The following HTR4 variants were observed in gnomAD, a reference collection of about 807,000 sequenced individuals.
The protein encoded by HTR4 is 5-hydroxytryptamine receptor 4.
A neutral mutation model predicts 36.8 loss-of-function variants in HTR4; 16 were observed. The observed-to-expected ratio is 0.43, with a 90% CI of 0.29 to 0.66. The LOEUF (loss-of-function observed/expected upper bound fraction) is 0.66. Among genes scored for constraint, HTR4 ranks in the 30% least tolerant of loss-of-function variants. HTR4 has a pLI of 0.13. For synonymous variants in HTR4, 189 were observed against 185.1 expected, an observed-to-expected ratio of 1.02 and a Z score of -0.17; for missense variants, 438 against 490.9, an observed-to-expected ratio of 0.89 and a Z score of 1.02.
chr5:148,500,302 A>G (rs1756880071), intron 6 of HTR4, among the ~76,000 whole-genome samples: 1 of 152,104 alleles, frequency 6.6e-6, no homozygotes, highest in South Asian at 2.1e-4. Flanking sequence ...TGGTGAATGT[A>G]TAAAGTAAGA....
intron 2 of HTR4, among the ~76,000 whole-genome samples, chr5:148,597,585 G>A (rs1052682995): frequency 2.0e-5 from 3 of 152,076 alleles, no homozygotes; most frequent in Non-Finnish European, 4.4e-5. Context: ...GCTTCAAGGT[G>A]CCATGATCTC....
intron 1 of HTR4, among the ~76,000 whole-genome samples, chr5:148,652,396 G>A (rs368907592): frequency 7.4e-4 from 113 of 152,266 alleles, no homozygotes; most frequent in African/African-American, 2.5e-3. Context: ...ATCAGGAAGC[G>A]TCTTGGGGTA....
chr5:148,473,948 G>C (rs979959461), downstream of HTR4, among the ~76,000 whole-genome samples: 2 of 152,018 alleles, frequency 1.3e-5, no homozygotes, highest in African/African-American at 4.8e-5. Flanking sequence ...CACCGAGACG[G>C]CTACTATTAG....
chr5:148,612,512 G>C (rs1453309770), intron 2 of HTR4, among the ~76,000 whole-genome samples: 1 of 144,788 alleles, frequency 6.9e-6, no homozygotes, highest in East Asian at 2.0e-4. Flanking sequence ...CAGAATCTCT[G>C]GGACGCATTC....
chr5:148,563,827 T>C lies in HTR4; in HGVS notation c.27-13565A>G, dbSNP rs140553860. On this transcript the variant is annotated intron_variant, in intron 2 of 6. Transcript: ENST00000377888. ...TAAATGCAAATACTACATCATTCTA[T>C]ATCAGGTACTTGAACATCCTTAGAC... 2.4e-3 allele frequency among the ~76,000 whole-genome samples: 363 copies of C among 152,324 alleles called. 1 individual carries two copies. The highest frequency in any genetic ancestry group is 7.7e-3 in the African/African-American group (319 of 41,574).
At chr5:148,591,080 T>A (rs1761548532) in intron 2 of HTR4, among the ~76,000 whole-genome samples, 2 of 152,216 alleles carry the variant, frequency 1.3e-5, no homozygotes, top group South Asian at 4.1e-4. Context: ...ATTTGTTGAA[T>A]GGGGAGTCTT....
At chr5:148,584,900 A>G (rs1179197850) in intron 2 of HTR4, among the ~76,000 whole-genome samples, 2 of 152,210 alleles carry the variant, frequency 1.3e-5, no homozygotes, top group Non-Finnish European at 2.9e-5. Flanking sequence ...AGACAACAAA[A>G]TGGAAGGCTA....
intron 5 of HTR4, among the ~76,000 whole-genome samples, chr5:148,517,299 A>G (rs1190602902): frequency 6.6e-6 from 1 of 151,674 alleles, no homozygotes; most frequent in Admixed American, 6.6e-5. Context: ...TTCTGTATCT[A>G]CCTGCATTCC....
chr5:148,652,923 C>T (rs1275141701), intron 1 of HTR4, among the ~76,000 whole-genome samples: 1 of 152,150 alleles, frequency 6.6e-6, no homozygotes, highest in Non-Finnish European at 1.5e-5. Context: ...TAGGTGAGAG[C>T]TGCTCTTCAG....
At chr5:148,611,195 C>G (rs1375295786) in intron 2 of HTR4, among the ~76,000 whole-genome samples, 1 of 144,418 alleles carries the variant, frequency 6.9e-6, no homozygotes, top group Non-Finnish European at 1.5e-5. Context: ...AGATACTCCT[C>G]GAGAAGAGCA....
At chr5:148,559,861 C>G (rs1038655477) in intron 2 of HTR4, among the ~76,000 whole-genome samples, 1 of 152,106 alleles carries the variant, frequency 6.6e-6, no homozygotes, top group South Asian at 2.1e-4. Context: ...ATAGCAGAAG[C>G]CTTCTTTTCC....
intron 5 of HTR4, among the ~76,000 whole-genome samples, chr5:148,514,575 C>T (rs774067281): frequency 2.0e-5 from 3 of 152,094 alleles, no homozygotes; most frequent in Non-Finnish European, 4.4e-5. Flanking sequence ...AACTGCTTAA[C>T]CCAATGTCAC....
intron 5 of HTR4, chr5:148,466,025 A>G (rs1755418222): frequency 6.5e-7 from 1 of 1,546,568 alleles, no homozygotes; most frequent in South Asian, 1.3e-5. Flanking sequence ...TAGACACATG[A>G]TCTCAGCCTA....
chr5:148,452,287 G>A (rs1287707548), intron 5 of HTR4, among the ~76,000 whole-genome samples: 1 of 152,092 alleles, frequency 6.6e-6, no homozygotes, highest in Non-Finnish European at 1.5e-5. Flanking sequence ...GATGCCCATG[G>A]GAATATAGGT....
intron 1 of HTR4, among the ~76,000 whole-genome samples, chr5:148,651,529 G>A (rs1754034612): frequency 6.6e-6 from 1 of 151,946 alleles, no homozygotes; most frequent in African/African-American, 2.4e-5. Flanking sequence ...GAAATTTCTG[G>A]TTGTCCCAAG....
chr5:148,498,610 T>C (rs750568235), intron 6 of HTR4, among the ~76,000 whole-genome samples: 1 of 152,164 alleles, frequency 6.6e-6, no homozygotes, highest in Non-Finnish European at 1.5e-5. Flanking sequence ...AGGAATTGTA[T>C]ACTCTAAAGC....
chr5:148,469,519 G>A lies in HTR4; in HGVS notation c.1077-18247C>T, dbSNP rs534794508. 6.6e-5 allele frequency among the ~76,000 whole-genome samples: 10 copies of A among 152,252 alleles called. No individual in the cohort carries two copies. The South Asian group carries it at 1.2e-3, about 19-fold the overall frequency. On this transcript the variant is annotated intron_variant, in intron 5 of 5. Coordinates refer to the HTR4 transcript ENST00000521530. ...CCCCAGTCCAAAAGCTCTGCTTGTCGTAGTGGCAGTCTGAGTCCTGGCACA... is the reference window on the plus strand; with the variant it reads ...CCCCAGTCCAAAAGCTCTGCTTGTCATAGTGGCAGTCTGAGTCCTGGCACA...
At chr5:148,588,966 G>T (rs1185579718) in intron 2 of HTR4, among the ~76,000 whole-genome samples, 1 of 152,018 alleles carries the variant, frequency 6.6e-6, no homozygotes, top group African/African-American at 2.4e-5. Flanking sequence ...TGTGAATGAT[G>T]GTATCCTTTT....
At chr5:148,648,388 C>G (rs1464244427) in intron 1 of HTR4, among the ~76,000 whole-genome samples, 1 of 152,070 alleles carries the variant, frequency 6.6e-6, no homozygotes, top group Admixed American at 6.5e-5. Flanking sequence ...GACACAGAAA[C>G]CAGGTGGACA....
Sources: gnomAD v4.1 joint callset for allele counts (sites outside exome capture counted in the v4.1 genomes callset) on GRCh38, gnomAD v4.1.1 for gene constraint, MANE v1.5 for transcripts, NCBI Gene and HGNC (gene_info 2026-07-23, HGNC 2026-07-21) for gene names.